The following MMP26 variants were observed in gnomAD, a reference collection of about 807,000 sequenced individuals.
MMP26 encodes the protein matrix metallopeptidase 26, also known as matrix metalloproteinase-26.
A neutral mutation model predicts 31.0 loss-of-function variants in MMP26; 33 were observed. The observed-to-expected ratio is 1.06, with a 90% confidence interval of 0.81 to 1.42. The LOEUF (loss-of-function observed/expected upper bound fraction) is 1.42, where lower values mean the gene tolerates loss of function less well. MMP26 is among the 40% of genes most tolerant of loss of function. The probability of loss-of-function intolerance (pLI) is 0.00; values close to 1 mark genes in which losing one functional copy is unlikely to be tolerated. For synonymous variants in MMP26, 122 were observed against 114.9 expected, an observed-to-expected ratio of 1.06 and a Z score of -0.40; for missense variants, 347 against 316.1, an observed-to-expected ratio of 1.10 and a Z score of -0.74.
At chr11:4,933,045 T>C (rs1851373596) in intron 2 of MMP26, among the ~76,000 whole-genome samples, 1 of 152,118 alleles carries the variant, frequency 6.6e-6, no homozygotes. Flanking sequence ...GATGTTAAAT[T>C]GTATGTATGG....
At chr11:4,841,261 A>C (rs60538579) in intron 2 of MMP26, among the ~76,000 whole-genome samples, 2 of 152,176 alleles carry the variant, frequency 1.3e-5, no homozygotes, top group Non-Finnish European at 2.9e-5. Context: ...ATTTAAAGAG[A>C]TAATAACAGA....
chr11:4,861,107 T>C, intron 2 of MMP26, among the ~76,000 whole-genome samples: 1 of 149,356 alleles, frequency 6.7e-6, no homozygotes, highest in East Asian at 2.0e-4. Flanking sequence ...TCATATATAC[T>C]TCCATATGTA....
chr11:4,853,371 T>G (rs753825360), intron 2 of MMP26, among the ~76,000 whole-genome samples: 4 of 152,084 alleles, frequency 2.6e-5, no homozygotes, highest in Non-Finnish European at 4.4e-5. Context: ...AAAATGTCAA[T>G]TATACTTTAA....
chr11:4,756,536 A>G (rs1158659940), intron 1 of MMP26: 1 of 152,100 alleles, frequency 6.6e-6, no homozygotes, highest in African/African-American at 2.4e-5. Flanking sequence ...TCCTATAAAG[A>G]AATGGAAATT....
intron 2 of MMP26, among the ~76,000 whole-genome samples, chr11:4,845,096 A>G (rs1849848780): frequency 1.3e-5 from 2 of 152,152 alleles, no homozygotes. Flanking sequence ...TAGCATTTCT[A>G]TAAGCCAACA....
chr11:4,886,533 T>C (rs1850548070), intron 2 of MMP26, among the ~76,000 whole-genome samples: 1 of 151,962 alleles, frequency 6.6e-6, no homozygotes, highest in African/African-American at 2.4e-5. Flanking sequence ...TCCAATGTTA[T>C]TCAGATAACT....
At chr11:4,811,675 A>G (rs1420441443) in intron 2 of MMP26, among the ~76,000 whole-genome samples, 1 of 151,936 alleles carries the variant, frequency 6.6e-6, no homozygotes, top group Admixed American at 6.6e-5. Flanking sequence ...CTGCTTTTTT[A>G]GGGGCACTTT....
At chr11:4,895,783 A>T (rs1428996225) in intron 2 of MMP26, among the ~76,000 whole-genome samples, 1 of 152,180 alleles carries the variant, frequency 6.6e-6, no homozygotes, top group Non-Finnish European at 1.5e-5. Context: ...ATAGTTATCC[A>T]GGCATGGTGG....
chr11:4,887,845 A>G (rs1226136330), intron 2 of MMP26, among the ~76,000 whole-genome samples: 1 of 152,154 alleles, frequency 6.6e-6, no homozygotes, highest in Non-Finnish European at 1.5e-5. Flanking sequence ...ACAGACATGC[A>G]ACTGATAATT....
chr11:4,730,404 A>AAGAGAGAGAGAGAGAAAG (rs1554927961), intron 1 of MMP26, among the ~76,000 whole-genome samples: 2 of 144,952 alleles, frequency 1.4e-5, no homozygotes, highest in Non-Finnish European at 3.0e-5. Flanking sequence ...GTTTCTGGGA[A>AAGAGAGAGAGAGAGAAAG]AGAGAGAGAG....
At chr11:4,775,747 TGA>T (rs35696328) in intron 2 of MMP26, among the ~76,000 whole-genome samples, 14,325 of 139,042 alleles carry the variant, frequency 0.1, 814 homozygotes, top group Middle Eastern at 0.16. Flanking sequence ...AGGAAGTGAG[TGA>T]GAGAGAGAGA....
At chr11:4,905,582 G>C (rs1850873634) in intron 2 of MMP26, among the ~76,000 whole-genome samples, 1 of 152,046 alleles carries the variant, frequency 6.6e-6, no homozygotes, top group African/African-American at 2.4e-5. Context: ...CTGGAGTGAG[G>C]ATAGCTTGTC....
chr11:4,824,654 T>C (rs764891236), intron 2 of MMP26, among the ~76,000 whole-genome samples: 1 of 152,122 alleles, frequency 6.6e-6, no homozygotes, highest in Admixed American at 6.6e-5. Context: ...GATAAATCAA[T>C]TCTAACATGT....
At chr11:4,801,776 G>A (rs751243210) in intron 2 of MMP26, among the ~76,000 whole-genome samples, 29 of 151,872 alleles carry the variant, frequency 1.9e-4, no homozygotes, top group African/African-American at 3.1e-4. Flanking sequence ...TCTTGACCTC[G>A]TGATCCGCCT....
chr11:4,779,137 A>G (rs907396582), intron 2 of MMP26, among the ~76,000 whole-genome samples: 1 of 152,020 alleles, frequency 6.6e-6, no homozygotes, highest in African/African-American at 2.4e-5. Flanking sequence ...GGTCTCGGAT[A>G]CAAAGTTAAG....
intron 1 of MMP26, among the ~76,000 whole-genome samples, chr11:4,761,026 T>C (rs903792160): frequency 2.0e-5 from 3 of 152,136 alleles, no homozygotes; most frequent in Non-Finnish European, 4.4e-5. Flanking sequence ...AACAGGACCA[T>C]AGAAGTGAAC....
At chr11:4,877,138 C>G (rs1162596823) in intron 2 of MMP26, 1 of 152,284 alleles carries the variant, frequency 6.6e-6, no homozygotes, top group African/African-American at 2.4e-5. Flanking sequence ...TGTGCTGACA[C>G]TGGTGTCAAT....
At position 4,838,315 on chromosome 11, in the gene MMP26, T is replaced by TAA. The variant is rs540572047; in HGVS notation, c.-145+71014_-145+71015dup. Among the ~76,000 whole-genome samples, 29 of 27,418 alleles carry TAA rather than the reference T, an allele frequency of 1.1e-3. 6 individuals carry two copies. The highest frequency in any genetic ancestry group is 4.0e-3 in the East Asian group (3 of 742). 18.0% of individuals were successfully genotyped at this position (27,418 alleles called of 152,430 possible). ...CCAGGGCACAGGGCAAGACTCTGTCTAAAAAAAAAAAAAAAAAAAAAAAAA... is the reference window on the plus strand; with the variant it reads ...CCAGGGCACAGGGCAAGACTCTGTCTAAAAAAAAAAAAAAAAAAAAAAAAAAA... On this transcript the variant is annotated intron_variant, in intron 2 of 7. Transcript: ENST00000380390.
intron 2 of MMP26, chr11:4,871,736 T>G (rs1850313172): frequency 6.6e-6 from 1 of 152,128 alleles, no homozygotes; most frequent in Non-Finnish European, 1.5e-5. Flanking sequence ...TAGACCATAC[T>G]TTGGGTGAGT....
Sources: gnomAD v4.1 joint callset for allele counts (sites outside exome capture counted in the v4.1 genomes callset) on GRCh38, gnomAD v4.1.1 for gene constraint, MANE v1.5 for transcripts, NCBI Gene and HGNC (gene_info 2026-07-23, HGNC 2026-07-21) for gene names.